NKAIN2: variants seen among roughly 807,000 people sequenced by gnomAD.
The protein encoded by NKAIN2 is sodium/potassium-transporting ATPase subunit beta-1-interacting protein 2.
NKAIN2 carries 14 observed loss-of-function variants against 32.6 expected under a neutral mutation model. The observed-to-expected ratio is 0.43, with a 90% CI of 0.28 to 0.67. NKAIN2 has a LOEUF of 0.67. NKAIN2 is among the 30% of genes least tolerant of loss of function. The pLI, the probability that NKAIN2 is intolerant of heterozygous loss-of-function variation, is 0.17. For missense variants in NKAIN2, 198 were observed against 258.3 expected (o/e 0.77, Z 1.60); for synonymous variants, 80 against 87.2 (o/e 0.92, Z 0.46).
intron 3 of NKAIN2, among the ~76,000 whole-genome samples, chr6:124,474,762 CCT>C (rs1235666176): frequency 3.4e-5 from 5 of 145,390 alleles, no homozygotes; most frequent in Non-Finnish European, 6.1e-5. Flanking sequence ...ACTTCTGTAC[CCT>C]GTCTAGAAGA....
chr6:124,122,602 A>C (rs753300197), intron 1 of NKAIN2, among the ~76,000 whole-genome samples: 23 of 152,112 alleles, frequency 1.5e-4, no homozygotes, highest in Non-Finnish European at 2.4e-4. Context: ...TGGAAATTTT[A>C]ACAAAGGAAA....
intron 1 of NKAIN2, among the ~76,000 whole-genome samples, chr6:124,129,904 C>T (rs1169961956): frequency 6.6e-6 from 1 of 152,168 alleles, no homozygotes; most frequent in Non-Finnish European, 1.5e-5. Context: ...AGGCGTGAGC[C>T]ACCCCACCTG....
At chr6:124,508,422 G>A (rs987221952) in intron 3 of NKAIN2, among the ~76,000 whole-genome samples, 9 of 151,522 alleles carry the variant, frequency 5.9e-5, no homozygotes, top group African/African-American at 2.2e-4. Flanking sequence ...TCGGCTCGCT[G>A]CAAGCTCCGC....
At chr6:124,006,104 C>T (rs556837863) in intron 1 of NKAIN2, among the ~76,000 whole-genome samples, 8 of 152,242 alleles carry the variant, frequency 5.3e-5, no homozygotes, top group African/African-American at 1.9e-4. Flanking sequence ...CCATAAAAGC[C>T]TCACCGTGTT....
chr6:124,741,418 G>A (rs1339197843), intron 4 of NKAIN2, among the ~76,000 whole-genome samples: 3 of 151,694 alleles, frequency 2.0e-5, no homozygotes, highest in Admixed American at 6.6e-5. Flanking sequence ...ATGGTTTTTC[G>A]ATTTTATAGA....
chr6:123,975,712 G>A (rs1381715498), intron 1 of NKAIN2, among the ~76,000 whole-genome samples: 2 of 152,076 alleles, frequency 1.3e-5, no homozygotes, highest in African/African-American at 4.8e-5. Context: ...CAAAAGAAGA[G>A]AGTCTCTTAG....
intron 1 of NKAIN2, among the ~76,000 whole-genome samples, chr6:124,214,612 G>T (rs1791371882): frequency 6.6e-6 from 1 of 151,918 alleles, no homozygotes; most frequent in South Asian, 2.1e-4. Flanking sequence ...AGCCAGACAT[G>T]CTCACTTGAA....
intron 2 of NKAIN2, among the ~76,000 whole-genome samples, chr6:124,307,095 A>C (rs1293421878): frequency 6.6e-6 from 1 of 152,110 alleles, no homozygotes; most frequent in South Asian, 2.1e-4. Context: ...AACATAGAGG[A>C]CCTCTACAAG....
At chr6:124,411,192 G>A (rs1368643151) in intron 3 of NKAIN2, among the ~76,000 whole-genome samples, 1 of 152,002 alleles carries the variant, frequency 6.6e-6, no homozygotes. Context: ...TTTAAGATTA[G>A]TATTGGTATG....
intron 4 of NKAIN2, among the ~76,000 whole-genome samples, chr6:124,709,346 G>T (rs1363811274): frequency 6.7e-6 from 1 of 150,112 alleles, no homozygotes; most frequent in Non-Finnish European, 1.5e-5. Context: ...GAATGATGCT[G>T]GCCTCATAAA....
At chr6:124,397,512 A>G (rs1773434042) in intron 3 of NKAIN2, among the ~76,000 whole-genome samples, 1 of 150,646 alleles carries the variant, frequency 6.6e-6, no homozygotes, top group African/African-American at 2.5e-5. Context: ...TGATTGAGAT[A>G]CTGTGTCACA....
intron 1 of NKAIN2, among the ~76,000 whole-genome samples, chr6:123,948,507 G>T (rs1286874957): frequency 6.7e-6 from 1 of 149,478 alleles, no homozygotes; most frequent in African/African-American, 2.4e-5. Flanking sequence ...GCATTTCCCT[G>T]ATGATTAGTG....
chr6:123,935,559 T>A (rs1359365250), intron 1 of NKAIN2, among the ~76,000 whole-genome samples: 1 of 152,038 alleles, frequency 6.6e-6, no homozygotes, highest in Non-Finnish European at 1.5e-5. Flanking sequence ...TGTATTTGAT[T>A]AAGGCTTAGT....
In NKAIN2 at chr6:124,334,431, C is replaced by A. The variant is rs149279817; in HGVS notation, c.193-20836C>A. ...TTGTTATTACTCAAATCAGTCCCTT[C>A]GAAAATTTGGAGACTAAGGTTTCTT... On this transcript the variant is annotated intron_variant, in intron 2 of 6. Transcript: ENST00000368417. 3.0e-3 allele frequency among the ~76,000 whole-genome samples: 449 copies of A among 152,114 alleles called. 2 individuals are homozygous for A. The highest frequency in any genetic ancestry group is 0.01 in the African/African-American group (432 of 41,490).
At chr6:124,560,623 C>A (rs925710311) in intron 3 of NKAIN2, among the ~76,000 whole-genome samples, 1 of 152,130 alleles carries the variant, frequency 6.6e-6, no homozygotes, top group Admixed American at 6.5e-5. Context: ...TGAGGCTACC[C>A]TGTATGTATA....
chr6:124,277,370 T>A (rs923561182), intron 1 of NKAIN2, among the ~76,000 whole-genome samples: 1 of 151,946 alleles, frequency 6.6e-6, no homozygotes, highest in African/African-American at 2.4e-5. Flanking sequence ...ACCTAGAAAC[T>A]GTTAGGCCCC....
intron 6 of NKAIN2, among the ~76,000 whole-genome samples, chr6:124,820,831 C>G (rs541265433): frequency 6.6e-6 from 1 of 152,142 alleles, no homozygotes; most frequent in Non-Finnish European, 1.5e-5. Flanking sequence ...TTATGAGAAT[C>G]TAATGCCTGA....
At chr6:124,299,972 A>G (rs1434946812) in intron 2 of NKAIN2, among the ~76,000 whole-genome samples, 1 of 152,212 alleles carries the variant, frequency 6.6e-6, no homozygotes, top group African/African-American at 2.4e-5. Flanking sequence ...TACTGTGTGT[A>G]TGACTGGCAT....
chr6:124,428,441 G>A (rs985465955), intron 3 of NKAIN2, among the ~76,000 whole-genome samples: 7 of 152,112 alleles, frequency 4.6e-5, no homozygotes, highest in Non-Finnish European at 7.4e-5. Flanking sequence ...TTATTTAGTG[G>A]AACTGAAAGC....
Sources: allele counts gnomAD v4.1 joint callset (sites outside exome capture counted in the v4.1 genomes callset), GRCh38; gene constraint gnomAD v4.1.1; transcripts MANE v1.5; gene names NCBI Gene and HGNC (gene_info 2026-07-23, HGNC 2026-07-21).